Variants in SLC9D1 observed in about 807,000 individuals in gnomAD.
The protein encoded by SLC9D1 is solute carrier family 9 member D1.
the SLC9D1 span, among the ~76,000 whole-genome samples, chr13:113,538,789 G>A: frequency 6.6e-6 from 1 of 152,262 alleles, no homozygotes; most frequent in Non-Finnish European, 1.5e-5. Context: ...GCGTCATCCG[G>A]AAGGCTGCCA....
chr13:113,545,279 CAG>C, the SLC9D1 span, among the ~76,000 whole-genome samples: 1 of 149,818 alleles, frequency 6.7e-6, no homozygotes, highest in Non-Finnish European at 1.5e-5. Context: ...CTGAGGCACA[CAG>C]AGATTGAAAC....
At chr13:113,501,686 G>A in the SLC9D1 span, 7 of 1,353,330 alleles carry the variant, frequency 5.2e-6, no homozygotes, top group South Asian at 5.2e-5. Flanking sequence ...CTGTGCCTCA[G>A]CCAGCCAGCC....
the SLC9D1 span, among the ~76,000 whole-genome samples, chr13:113,522,742 C>G: frequency 3.9e-5 from 6 of 152,168 alleles, no homozygotes; most frequent in African/African-American, 1.4e-4. Flanking sequence ...AAGCAGTTCT[C>G]CTGCCCAGCC....
chr13:113,538,299 CAT>C, the SLC9D1 span, among the ~76,000 whole-genome samples: 5 of 151,984 alleles, frequency 3.3e-5, no homozygotes, highest in South Asian at 2.1e-4. Context: ...ACCCGTGGCA[CAT>C]GTGCGTGTGT....
chr13:113,527,128 ATTG>A, the SLC9D1 span: 1 of 152,188 alleles, frequency 6.6e-6, no homozygotes, highest in Non-Finnish European at 1.5e-5. Flanking sequence ...TGACTGTATA[ATTG>A]TTGTCTTTTC....
the SLC9D1 span, chr13:113,548,195 A>C: frequency 1.6e-6 from 2 of 1,276,916 alleles, no homozygotes; most frequent in Non-Finnish European, 2.2e-6. Flanking sequence ...CGTGTTATTC[A>C]GGGACCATCG....
the SLC9D1 span, among the ~76,000 whole-genome samples, chr13:113,510,906 C>A: frequency 2.7e-4 from 41 of 152,188 alleles, no homozygotes; most frequent in East Asian, 5.0e-3. Flanking sequence ...AACATTGCCG[C>A]TTCTAAGTCG....
chr13:113,549,508 G>A, the SLC9D1 span: 3 of 1,614,148 alleles, frequency 1.9e-6, no homozygotes, highest in Non-Finnish European at 2.5e-6. Context: ...CGAGGTGTGT[G>A]CCCAGACCGG....
the SLC9D1 span, chr13:113,549,412 T>C: frequency 6.2e-7 from 1 of 1,613,380 alleles, no homozygotes; most frequent in Non-Finnish European, 8.5e-7. Context: ...CGCTCTGCAC[T>C]TTGCTGTTGC....
the SLC9D1 span, chr13:113,501,933 G>T: frequency 4.9e-6 from 7 of 1,427,858 alleles, no homozygotes; most frequent in Non-Finnish European, 6.9e-6. Flanking sequence ...TATAAAAAGA[G>T]AATTCATGAA....
At chr13:113,500,174 T>C in the SLC9D1 span, 2 of 1,358,412 alleles carry the variant, frequency 1.5e-6, no homozygotes, top group Non-Finnish European at 1.9e-6. Context: ...TGGGGATGCC[T>C]GCCTTCCCCC....
At chr13:113,497,873 T>C in the SLC9D1 span, among the ~76,000 whole-genome samples, 1 of 152,260 alleles carries the variant, frequency 6.6e-6, no homozygotes, top group Non-Finnish European at 1.5e-5. Context: ...GCATCATCCA[T>C]CAGTTCTTCA....
the SLC9D1 span, chr13:113,534,387 C>T: frequency 1.5e-6 from 1 of 680,214 alleles, no homozygotes; most frequent in Non-Finnish European, 2.4e-6. Context: ...TACACACTTT[C>T]TTATACTACC....
chr13:113,547,640 CG>C, the SLC9D1 span, among the ~76,000 whole-genome samples: 1 of 152,192 alleles, frequency 6.6e-6, no homozygotes, highest in African/African-American at 2.4e-5. Flanking sequence ...ACCCTCAGGA[CG>C]GGCCTTGGCT....
At chr13:113,548,241 G>A in the SLC9D1 span, 2,703 of 1,578,446 alleles carry the variant, frequency 1.7e-3, 9 homozygotes, top group Non-Finnish European at 1.5e-3. Context: ...TCTCTGTTTC[G>A]TGTGTGTTTA....
chr13:113,545,392 G>C, the SLC9D1 span, among the ~76,000 whole-genome samples: 1 of 152,234 alleles, frequency 6.6e-6, no homozygotes, highest in Non-Finnish European at 1.5e-5. Context: ...TAGTTTCTCA[G>C]TGCTACACCA....
chr13:113,518,945 A>T, the SLC9D1 span, among the ~76,000 whole-genome samples: 1 of 151,956 alleles, frequency 6.6e-6, no homozygotes, highest in Non-Finnish European at 1.5e-5. Context: ...CCAGAAAGAG[A>T]TTTTTGCTGG....
At chr13:113,519,044 CT>C in the SLC9D1 span, among the ~76,000 whole-genome samples, 47,464 of 135,324 alleles carry the variant, frequency 0.35, 7,229 homozygotes, top group African/African-American at 0.49. Context: ...ATAACAGTAG[CT>C]TTTTTTTTTT....
At chr13:113,532,122 G>A in the SLC9D1 span, among the ~76,000 whole-genome samples, 1 of 152,188 alleles carries the variant, frequency 6.6e-6, no homozygotes, top group African/African-American at 2.4e-5. Context: ...GTGCTCTAGG[G>A]GCTCAGGATG....
Sources: gnomAD v4.1 joint callset for allele counts (sites outside exome capture counted in the v4.1 genomes callset) on GRCh38, gnomAD v4.1.1 for gene constraint, MANE v1.5 for transcripts, NCBI Gene and HGNC (gene_info 2026-07-23, HGNC 2026-07-21) for gene names.